PELI2: variants seen among roughly 807,000 people sequenced by gnomAD.
The protein encoded by PELI2 is E3 ubiquitin-protein ligase pellino homolog 2.
In PELI2, 23 loss-of-function variants were observed where a neutral mutation model predicts 42.3. The ratio of observed to expected loss-of-function variants is 0.54; its 90% CI spans 0.39 to 0.77. The LOEUF (loss-of-function observed/expected upper bound fraction) is 0.77, where lower values mean the gene tolerates loss of function less well. Ranked by LOEUF, PELI2 falls within the 30% of genes least tolerant of loss-of-function variation. The probability of loss-of-function intolerance (pLI) is 0.00; values close to 1 mark genes in which losing one functional copy is unlikely to be tolerated. For missense variants in PELI2, 463 were observed against 553.2 expected, an observed-to-expected ratio of 0.84 and a Z score of 1.64; for synonymous variants, 245 against 212.2, an observed-to-expected ratio of 1.15 and a Z score of -1.34.
intron 1 of PELI2, among the ~76,000 whole-genome samples, chr14:56,139,075 A>C (rs1055212662): frequency 2.0e-5 from 3 of 152,354 alleles, no homozygotes; most frequent in Admixed American, 6.5e-5. Context: ...GACTCACTGA[A>C]TAAGCCACAG....
At chr14:56,119,049 G>C (rs1407664248) in intron 1 of PELI2, 1 of 168,922 alleles carries the variant, frequency 5.9e-6, no homozygotes, top group South Asian at 2.0e-4. Context: ...GTGGGGGCGG[G>C]GGCAGGGGCT....
chr14:56,297,461 A>AT lies in PELI2; in HGVS notation c.*295_*296insT. ...ATTTTTAACCTTGGGTTTTTAACCAAGTTTTTTTTTTTTTGTAATCTTGGA... is the reference window on the plus strand; with the variant it reads ...ATTTTTAACCTTGGGTTTTTAACCAATGTTTTTTTTTTTTTGTAATCTTGGA... On this transcript the variant is annotated 3_prime_UTR_variant, in exon 6 of 6. Transcript: ENST00000267460. 7.0e-5 allele frequency: 17 copies of AT among 243,656 alleles called. No homozygotes were observed. The highest frequency in any genetic ancestry group is 1.0e-4 in the South Asian group (1 of 9,530). 15.1% of individuals were successfully genotyped at this position (243,656 alleles called of 1,614,324 possible).
At chr14:56,236,157 C>A (rs1261999367) in intron 2 of PELI2, among the ~76,000 whole-genome samples, 4 of 152,082 alleles carry the variant, frequency 2.6e-5, no homozygotes, top group Non-Finnish European at 5.9e-5. Context: ...TTTTTAATTT[C>A]TAAATTGACC....
At chr14:56,256,574 ATTTT>A in intron 2 of PELI2, among the ~76,000 whole-genome samples, 1 of 152,300 alleles carries the variant, frequency 6.6e-6, no homozygotes. Flanking sequence ...TATTAAATAA[ATTTT>A]TTTATTTTAG....
intron 1 of PELI2, among the ~76,000 whole-genome samples, chr14:56,152,982 C>G (rs1389432414): frequency 1.3e-5 from 2 of 152,142 alleles, no homozygotes; most frequent in Non-Finnish European, 1.5e-5. Context: ...GTATACACAC[C>G]TACCTCTGCA....
chr14:56,148,420 C>T (rs1884213662), intron 1 of PELI2, among the ~76,000 whole-genome samples: 2 of 152,216 alleles, frequency 1.3e-5, no homozygotes, highest in East Asian at 1.9e-4. Context: ...AGGACCTTCA[C>T]AGTACAGGCC....
intron 2 of PELI2, among the ~76,000 whole-genome samples, chr14:56,204,827 C>T (rs1331590422): frequency 1.3e-5 from 2 of 151,824 alleles, no homozygotes; most frequent in East Asian, 1.9e-4. Context: ...GAGGTTAGAT[C>T]GAGACCATCG....
intron 2 of PELI2, among the ~76,000 whole-genome samples, chr14:56,242,554 TG>T (rs1252817072): frequency 1.3e-5 from 2 of 152,226 alleles, no homozygotes; most frequent in African/African-American, 4.8e-5. Flanking sequence ...TGCACATGCA[TG>T]TTTAGAGCGG....
intron 2 of PELI2, among the ~76,000 whole-genome samples, chr14:56,251,251 A>G (rs1263883581): frequency 2.0e-5 from 3 of 152,212 alleles, no homozygotes; most frequent in African/African-American, 7.2e-5. Context: ...CCAAGTTGAC[A>G]TTGTTACTTC....
At position 56,225,322 on chromosome 14, in the gene PELI2, A is replaced by G. The variant is rs143914443; in HGVS notation, c.207+46858A>G. 1.3e-3 allele frequency among the ~76,000 whole-genome samples: 200 copies of G among 152,232 alleles called. 2 individuals are homozygous for G. The highest frequency in any genetic ancestry group is 4.5e-3 in the African/African-American group (189 of 41,542). On this transcript the variant is annotated intron_variant, in intron 2 of 5. Coordinates refer to ENST00000267460, the MANE Select transcript of PELI2 (RefSeq NM_021255.3). Reference sequence around the variant, plus strand: ...GCTGCTCCAGGAAGATTCCTGAGGTATCAGGAAGGTTTCTGAGAGCTCCGA... The same window carrying G: ...GCTGCTCCAGGAAGATTCCTGAGGTGTCAGGAAGGTTTCTGAGAGCTCCGA...
chr14:56,260,792 G>T (rs1029352169), intron 2 of PELI2, among the ~76,000 whole-genome samples: 1 of 152,198 alleles, frequency 6.6e-6, no homozygotes, highest in Non-Finnish European at 1.5e-5. Context: ...TTTGCCTGGG[G>T]TCAGCCCATG....
rs949100097 is a variant in PELI2 at position 56,298,231 on chromosome 14, G to C, written c.*1065G>C. ...AGCCCAGTAAGTTTTGAAAATGTTT[G>C]CGAATCAAACTAAATTTAAGTGGGA... On this transcript the variant is annotated 3_prime_UTR_variant, in exon 6 of 6. Transcript: ENST00000267460. 6.6e-6 allele frequency: 1 copy of C among 152,342 alleles called. No individual in the cohort carries two copies. The highest frequency in any genetic ancestry group is 2.4e-5 in the African/African-American group (1 of 41,346). The allele number at this position is 152,342 out of a possible 1,614,324, so 9.4% of individuals were successfully genotyped here.
rs370046417 is a variant in PELI2 at position 56,209,841 on chromosome 14, G to C, written c.207+31377G>C. ...TGGGAAGGCCCTCACTAACTCTTAGGTTTGCCACTGGTTTTCAAAGAACTG... is the reference window on the plus strand; with the variant it reads ...TGGGAAGGCCCTCACTAACTCTTAGCTTTGCCACTGGTTTTCAAAGAACTG... On this transcript the variant is annotated intron_variant, in intron 2 of 5. Transcript: ENST00000267460. Among the ~76,000 whole-genome samples the C allele has an allele frequency of 1.4e-4, 21 of 152,342 alleles. 1 individual carries two copies. The highest frequency in any genetic ancestry group is 8.5e-4 in the Admixed American group (13 of 15,304).
chr14:56,265,762 A>G (rs1012508441), intron 2 of PELI2, among the ~76,000 whole-genome samples: 3 of 152,052 alleles, frequency 2.0e-5, no homozygotes, highest in Non-Finnish European at 4.4e-5. Flanking sequence ...AAGAAAATTC[A>G]ATTTTTGAAA....
At chr14:56,176,651 G>A (rs950049717) in intron 1 of PELI2, among the ~76,000 whole-genome samples, 2 of 152,096 alleles carry the variant, frequency 1.3e-5, no homozygotes, top group African/African-American at 2.4e-5. Flanking sequence ...GGCCACTCTT[G>A]GATACCGTAG....
At chr14:56,198,393 G>A (rs1015773729) in intron 2 of PELI2, among the ~76,000 whole-genome samples, 6 of 152,188 alleles carry the variant, frequency 3.9e-5, no homozygotes, top group African/African-American at 1.4e-4. Context: ...CCAGGAAATA[G>A]GGAGGAGAAC....
intron 1 of PELI2, among the ~76,000 whole-genome samples, chr14:56,123,192 A>T (rs1451058230): frequency 9.9e-5 from 14 of 141,538 alleles, no homozygotes; most frequent in South Asian, 2.4e-4. Flanking sequence ...TTTTTTTTTT[A>T]AAAGCAGGTC....
At position 56,219,360 on chromosome 14, in the gene PELI2, T is replaced by C. The variant is rs1189652883; in HGVS notation, c.207+40896T>C. On this transcript the variant is annotated intron_variant, in intron 2 of 5. Transcript: ENST00000267460. The surrounding 1 kb of genome is among the most constrained non-coding windows in gnomAD (Gnocchi z 4.1). Reference sequence around the variant, plus strand: ...CTATTTTTAAAATGAATGTTGACTTTCCTGAAGTTATAAACTGTTTTTAAC... The same window carrying C: ...CTATTTTTAAAATGAATGTTGACTTCCCTGAAGTTATAAACTGTTTTTAAC... Among the ~76,000 whole-genome samples the C allele has an allele frequency of 2.0e-5, 3 of 152,198 alleles. No individual in the cohort carries two copies. Among genetic ancestry groups the C allele is most frequent in the Admixed American group, 6.5e-5 (1 of 15,290 alleles).
intron 5 of PELI2, among the ~76,000 whole-genome samples, chr14:56,294,094 G>A (rs1889923750): frequency 6.6e-6 from 1 of 152,198 alleles, no homozygotes; most frequent in Admixed American, 6.5e-5. Flanking sequence ...TGTCTGAAAG[G>A]AGTCACAGTG....
Sources: gnomAD v4.1 joint callset for allele counts (sites outside exome capture counted in the v4.1 genomes callset) on GRCh38, gnomAD v4.1.1 for gene constraint, Gnocchi (gnomAD v3.1) non-coding constraint, MANE v1.5 for transcripts, NCBI Gene and HGNC (gene_info 2026-07-23, HGNC 2026-07-21) for gene names.